The following CKAP2L variants were observed in gnomAD, a reference collection of about 807,000 sequenced individuals.
The protein encoded by CKAP2L is cytoskeleton-associated protein 2-like.
Under a neutral mutation model 65.7 loss-of-function variants are expected in CKAP2L, and 42 were observed. The ratio of observed to expected loss-of-function variants is 0.64; its 90% confidence interval spans 0.50 to 0.83. The LOEUF is 0.83. Among genes scored for constraint, CKAP2L ranks in the 40% least tolerant of loss-of-function variants. CKAP2L has a pLI of 0.00. For missense variants in CKAP2L, 908 were observed against 871.0 expected (o/e 1.04, Z -0.53); for synonymous variants, 325 against 313.5 (o/e 1.04, Z -0.39).
rs966898057 is a variant in CKAP2L at position 112,756,951 on chromosome 2, C to A, written c.420G>T (p.Gly140=). The A allele has an allele frequency of 8.7e-6, 14 of 1,614,096 alleles. No homozygotes were observed. The African/African-American group carries it at 1.2e-4, about 14-fold the overall frequency. ...TTGELSRKPV[G]SLNIEQLKTT... ...TTTTCAATTGCTCTATATTAAGTGA[C>A]CCCACAGGTTTTCTTGACAGTTCTC... Residue 140 remains glycine (G), a synonymous_variant, in exon 4 of 9, where the codon GGG becomes GGT. Transcript: ENST00000302450.
In CKAP2L at chr2:112,757,228, G is replaced by A; in HGVS notation, c.157-14C>T. 1 of 1,532,146 alleles carries A rather than the reference G, an allele frequency of 6.5e-7. No individual in the cohort carries two copies. 94.9% of individuals were successfully genotyped at this position (1,532,146 alleles called of 1,614,324 possible). ...GGGTCTAATAGTCTGAAAAAACAAA[G>A]AAAATACATATTAAAAAATCCTTAA... On this transcript the variant is annotated splice_polypyrimidine_tract_variant and intron_variant, in intron 3 of 8. Coordinates refer to ENST00000302450, the MANE Select transcript of CKAP2L (RefSeq NM_152515.5).
At chr2:112,746,085 G>A (rs1331914699) in intron 6 of CKAP2L, among the ~76,000 whole-genome samples, 1 of 152,110 alleles carries the variant, frequency 6.6e-6, no homozygotes, top group African/African-American at 2.4e-5. Flanking sequence ...ATGGAAAAAG[G>A]TATCACACAG....
At chr2:112,741,413 C>T (rs1261111202) in intron 7 of CKAP2L, among the ~76,000 whole-genome samples, 1 of 152,190 alleles carries the variant, frequency 6.6e-6, no homozygotes, top group Non-Finnish European at 1.5e-5. Flanking sequence ...AATCCCATTC[C>T]TCCCCAGGAT....
chr2:112,743,961 C>G (rs1680116651), intron 6 of CKAP2L, among the ~76,000 whole-genome samples: 1 of 152,162 alleles, frequency 6.6e-6, no homozygotes, highest in Non-Finnish European at 1.5e-5. Flanking sequence ...TCTTCCTTAC[C>G]TGGAACTCTG....
chr2:112,759,765 T>C (rs956247869), intron 3 of CKAP2L, among the ~76,000 whole-genome samples: 2 of 152,224 alleles, frequency 1.3e-5, no homozygotes, highest in Admixed American at 6.5e-5. Flanking sequence ...TATATATGTC[T>C]ACATATGCAT....
At chr2:112,745,528 C>T (rs571361663) in intron 6 of CKAP2L, among the ~76,000 whole-genome samples, 11 of 151,974 alleles carry the variant, frequency 7.2e-5, no homozygotes, top group East Asian at 3.9e-4. Flanking sequence ...TACAGGTGCC[C>T]GCCACCACGC....
rs1680206719 is a variant in CKAP2L, at chr2:112,746,527, C to T, written c.1651G>A (p.Ala551Thr). Residue 551 changes from alanine to threonine, a missense_variant, in exon 6 of 9, where the codon GCT (alanine) becomes ACT (threonine). Transcript: ENST00000302450. ...ILNILSSIPE[A>T]EKFAKFWICK... is the part of the protein sequence containing the mutation. ...ATCCAGAATTTAGCAAATTTTTCAG[C>T]TTCAGGAATGCTGGACAATATGTTA... 1.9e-6 allele frequency: 3 copies of T among 1,613,394 alleles called. No homozygotes were observed. Among genetic ancestry groups the T allele is most frequent in the Non-Finnish European group, 2.5e-6 (3 of 1,179,510 alleles).
At chr2:112,746,674 G>T in intron 5 of CKAP2L, 99 bp from the exon 6 acceptor site, 1 of 863,198 alleles carries the variant, frequency 1.2e-6, no homozygotes, top group Non-Finnish European at 1.7e-6. Context: ...AAATTGGTTT[G>T]ATCACTAATA....
intron 8 of CKAP2L, among the ~76,000 whole-genome samples, chr2:112,740,097 T>C (rs1679798362): frequency 6.6e-6 from 1 of 152,204 alleles, no homozygotes; most frequent in Non-Finnish European, 1.5e-5. Flanking sequence ...CATTAAGAGG[T>C]AGTTTTTGGA....
At chr2:112,742,853 T>G (rs992802349) in intron 6 of CKAP2L, 84 bp from the exon 7 acceptor site, 112 of 857,678 alleles carry the variant, frequency 1.3e-4, no homozygotes, top group Non-Finnish European at 1.8e-4. Context: ...CAAATACATG[T>G]TTTATAATAA....
chr2:112,762,702 C>T (rs573294873), intron 1 of CKAP2L, 133 bp from the exon 2 acceptor site: 6 of 668,176 alleles, frequency 9.0e-6, no homozygotes, highest in Non-Finnish European at 1.3e-5. Flanking sequence ...ATCCCTAGTC[C>T]TATAAATGTG....
chr2:112,744,040 A>C (rs1680120234), intron 6 of CKAP2L, among the ~76,000 whole-genome samples: 1 of 152,228 alleles, frequency 6.6e-6, no homozygotes, highest in South Asian at 2.1e-4. Context: ...TCAAAATCCA[A>C]AATAGAATTA....
chr2:112,762,374 T>C (rs1680750548), intron 2 of CKAP2L, 129 bp downstream of exon 2: 8 of 697,626 alleles, frequency 1.1e-5, no homozygotes, highest in Non-Finnish European at 2.0e-5. Flanking sequence ...ATGCTCTTTT[T>C]GCGTTATCAT....
chr2:112,757,700 T>C (rs891333688), intron 3 of CKAP2L, among the ~76,000 whole-genome samples: 2 of 152,174 alleles, frequency 1.3e-5, no homozygotes, highest in Non-Finnish European at 2.9e-5. Context: ...TAACAGGTAG[T>C]TTTTACAACT....
rs1435118405 is a variant in CKAP2L, at chr2:112,736,577, A to G, written c.*2246T>C. ...TTGTTCATTTTATCTGCTATTTTGT[A>G]TCCTTGGCCTGCATCTCCCCATTTC... On this transcript the variant is annotated 3_prime_UTR_variant, in exon 9 of 9. Transcript: ENST00000302450. 1.3e-5 allele frequency: 2 copies of G among 152,152 alleles called. No individual in the cohort carries two copies. Among genetic ancestry groups the G allele is most frequent in the African/African-American group, 4.8e-5 (2 of 41,440 alleles). 9.4% of individuals were successfully genotyped at this position (152,152 alleles called of 1,614,324 possible).
intron 5 of CKAP2L, among the ~76,000 whole-genome samples, chr2:112,749,646 A>G (rs996847225): frequency 6.6e-6 from 1 of 152,318 alleles, no homozygotes; most frequent in South Asian, 2.1e-4. Context: ...AAATTAAAAG[A>G]TACTTTTCTA....
Position 112,756,075 on chromosome 2 carries a change from C to T in CKAP2L, c.1296G>A (p.Leu432=). ...LKKAVPQNHF[L]NKTAPKTQAD... ...CTTGAGTTTTGGGAGCTGTCTTGTT[C>T]AGAAAATGGTTCTGGGGAACAGCCT... is the stretch of plus-strand genomic sequence containing the variant. Residue 432 remains leucine, a synonymous_variant, in exon 4 of 9, where the codon CTG becomes CTA. Transcript: ENST00000302450. 1 of 1,614,112 alleles carries T rather than the reference C, an allele frequency of 6.2e-7. No individual in the cohort carries two copies. Among genetic ancestry groups the T allele is most frequent in the Non-Finnish European group, 8.5e-7 (1 of 1,180,012 alleles).
At chr2:112,740,633 TGA>T (rs1207337772) in intron 8 of CKAP2L, among the ~76,000 whole-genome samples, 183 bp downstream of exon 8, 1 of 152,052 alleles carries the variant, frequency 6.6e-6, no homozygotes. Flanking sequence ...GCAGGACAAA[TGA>T]GAGTGAAAAG....
At chr2:112,746,827 G>A (rs973769944) in intron 5 of CKAP2L, among the ~76,000 whole-genome samples, 3 of 151,310 alleles carry the variant, frequency 2.0e-5, no homozygotes, top group South Asian at 2.1e-4. Flanking sequence ...TTGCTCTGTC[G>A]TCCAGGCTGG....
Sources: gnomAD v4.1 joint callset for allele counts (sites outside exome capture counted in the v4.1 genomes callset) on GRCh38, gnomAD v4.1.1 for gene constraint, MANE v1.5 for transcripts, NCBI Gene and HGNC (gene_info 2026-07-23, HGNC 2026-07-21) for gene names.